CYP2C19: variants seen among roughly 807,000 people sequenced by gnomAD.
CYP2C19 encodes cytochrome P450 family 2 subfamily C member 19, also known as cytochrome P450 2C19.
In CYP2C19, 59 loss-of-function variants were observed where a neutral mutation model predicts 40.9. That is an observed-to-expected ratio of 1.44 (90% CI 1.17 to 1.79). CYP2C19 has a LOEUF of 1.79. Ranked by LOEUF, CYP2C19 falls within the 40% of genes most tolerant of loss-of-function variation. The pLI is 0.00. For missense variants in CYP2C19, 754 were observed against 596.9 expected, an observed-to-expected ratio of 1.26 and a Z score of -2.74; for synonymous variants, 253 against 208.7, an observed-to-expected ratio of 1.21 and a Z score of -1.83.
chr10:94,782,705 C>A (rs1848495032), intron 5 of CYP2C19, among the ~76,000 whole-genome samples: 1 of 152,102 alleles, frequency 6.6e-6, no homozygotes, highest in African/African-American at 2.4e-5. Context: ...GACTTGGAAT[C>A]AACCCAAATG....
chr10:94,790,673 C>T (rs957420172), intron 5 of CYP2C19, among the ~76,000 whole-genome samples: 2 of 152,070 alleles, frequency 1.3e-5, no homozygotes, highest in South Asian at 2.1e-4. Context: ...GTTGAAAAAG[C>T]CTTGCATCCC....
chr10:94,807,836 G>T (rs757571865), intron 5 of CYP2C19, among the ~76,000 whole-genome samples: 74 of 151,956 alleles, frequency 4.9e-4, no homozygotes, highest in Non-Finnish European at 9.9e-4. Context: ...TCATTCTTCA[G>T]GTTGTCTTTC....
At chr10:94,844,565 T>C (rs1318255663) in intron 7 of CYP2C19, among the ~76,000 whole-genome samples, 1 of 152,142 alleles carries the variant, frequency 6.6e-6, no homozygotes, top group Non-Finnish European at 1.5e-5. Flanking sequence ...ATTAGTAAAA[T>C]TAAAAATAAT....
chr10:94,778,970 G>T (rs920426858), intron 3 of CYP2C19, among the ~76,000 whole-genome samples: 4 of 152,090 alleles, frequency 2.6e-5, no homozygotes, highest in African/African-American at 9.7e-5. Context: ...GCAGGGACAT[G>T]GATGAAGCTG....
chr10:94,812,876 T>A (rs547853951), intron 5 of CYP2C19, among the ~76,000 whole-genome samples: 1 of 152,254 alleles, frequency 6.6e-6, no homozygotes, highest in Non-Finnish European at 1.5e-5. Flanking sequence ...ATTCATCAAA[T>A]TCTTTCTCTG....
intron 5 of CYP2C19, among the ~76,000 whole-genome samples, chr10:94,807,420 A>C (rs1256191960): frequency 2.0e-5 from 3 of 152,096 alleles, no homozygotes; most frequent in Admixed American, 6.6e-5. Context: ...CAAGAATGGG[A>C]TTGCTGGATT....
At chr10:94,767,469 A>G (rs916066023) in intron 1 of CYP2C19, among the ~76,000 whole-genome samples, 3 of 152,192 alleles carry the variant, frequency 2.0e-5, no homozygotes, top group Non-Finnish European at 4.4e-5. Context: ...TCCAATTTGT[A>G]AAGGTATCAA....
At chr10:94,824,598 T>C (rs539519811) in intron 6 of CYP2C19, among the ~76,000 whole-genome samples, 1 of 152,288 alleles carries the variant, frequency 6.6e-6, no homozygotes. Flanking sequence ...TAATTCCTGT[T>C]TTTTTCCAAG....
At chr10:94,800,554 C>T (rs1250609805) in intron 5 of CYP2C19, among the ~76,000 whole-genome samples, 2 of 152,204 alleles carry the variant, frequency 1.3e-5, no homozygotes, top group African/African-American at 4.8e-5. Flanking sequence ...CTGCTCTCTT[C>T]AGAGCTGTCA....
chr10:94,835,113 A>C (rs1849382875), intron 6 of CYP2C19, among the ~76,000 whole-genome samples: 1 of 152,150 alleles, frequency 6.6e-6, no homozygotes, highest in African/African-American at 2.4e-5. Context: ...GCTCCATTTG[A>C]AGAATGATTT....
intron 6 of CYP2C19, among the ~76,000 whole-genome samples, chr10:94,824,755 A>T (rs1849187229): frequency 1.3e-5 from 2 of 151,254 alleles, no homozygotes; most frequent in East Asian, 2.0e-4. Flanking sequence ...CACGGCACCC[A>T]CTAACTCGTC....
At chr10:94,835,492 C>G (rs983420055) in intron 6 of CYP2C19, among the ~76,000 whole-genome samples, 1 of 152,208 alleles carries the variant, frequency 6.6e-6, no homozygotes, top group African/African-American at 2.4e-5. Context: ...TTACCCCATA[C>G]TAGGGGTCCT....
At chr10:94,793,257 A>G (rs1462887928) in intron 5 of CYP2C19, among the ~76,000 whole-genome samples, 1 of 152,118 alleles carries the variant, frequency 6.6e-6, no homozygotes, top group Admixed American at 6.5e-5. Flanking sequence ...CCATTCGTCT[A>G]ATCTTTTTTC....
intron 5 of CYP2C19, among the ~76,000 whole-genome samples, chr10:94,807,432 T>C (rs1848850336): frequency 6.6e-6 from 1 of 152,162 alleles, no homozygotes; most frequent in Non-Finnish European, 1.5e-5. Context: ...TGCTGGATTA[T>C]ATGGTAGTTC....
At chr10:94,818,714 T>A (rs1199786662) in intron 5 of CYP2C19, among the ~76,000 whole-genome samples, 1 of 149,710 alleles carries the variant, frequency 6.7e-6, no homozygotes. Flanking sequence ...TGTATAAGAA[T>A]GCTTGTGATT....
intron 5 of CYP2C19, among the ~76,000 whole-genome samples, chr10:94,809,206 T>A (rs755237729): frequency 6.6e-6 from 1 of 152,222 alleles, no homozygotes; most frequent in Admixed American, 6.5e-5. Context: ...CACTTTTTCA[T>A]ATGTCTGTTT....
intron 8 of CYP2C19, among the ~76,000 whole-genome samples, chr10:94,851,767 G>A (rs969540526): frequency 2.6e-5 from 4 of 152,050 alleles, no homozygotes; most frequent in East Asian, 1.9e-4. Context: ...TATTATTTTA[G>A]CAAGGACAGA....
intron 1 of CYP2C19, among the ~76,000 whole-genome samples, chr10:94,770,831 C>T (rs1394142800): frequency 6.6e-6 from 1 of 152,154 alleles, no homozygotes; most frequent in Admixed American, 6.5e-5. Flanking sequence ...TGACTACAGT[C>T]CCCATGATCT....
rs374372620 is a variant in CYP2C19, at chr10:94,835,386, G to T, written c.962-7451G>T. Among the ~76,000 whole-genome samples the T allele has an allele frequency of 2.2e-4, 34 of 152,108 alleles. No homozygotes were observed. In the East Asian group the frequency reaches 4.3e-3, roughly 19 times the overall value. On this transcript the variant is annotated intron_variant, in intron 6 of 8. Transcript: ENST00000371321. Reference sequence around the variant, plus strand: ...AGGCAAATGTAATTTTCCTTTTTTGGTGGCTAGCCATCCCGAGGGGAGAAA... The same window carrying T: ...AGGCAAATGTAATTTTCCTTTTTTGTTGGCTAGCCATCCCGAGGGGAGAAA...
Sources: allele counts gnomAD v4.1 joint callset (sites outside exome capture counted in the v4.1 genomes callset), GRCh38; gene constraint gnomAD v4.1.1; transcripts MANE v1.5; gene names NCBI Gene and HGNC (gene_info 2026-07-23, HGNC 2026-07-21).